Variants in TTC17 observed in about 807,000 individuals in gnomAD.
TTC17 encodes tetratricopeptide repeat domain 17, also known as tetratricopeptide repeat protein 17.
TTC17 carries 58 observed loss-of-function variants against 143.8 expected under a neutral mutation model. That is an observed-to-expected ratio of 0.40 (90% confidence interval 0.33 to 0.50). The LOEUF (loss-of-function observed/expected upper bound fraction) is 0.50. Among genes scored for constraint, TTC17 ranks in the 20% least tolerant of loss-of-function variants. The probability of loss-of-function intolerance (pLI) is 0.49; values close to 1 mark genes in which losing one functional copy is unlikely to be tolerated. For synonymous variants in TTC17, 501 were observed against 497.8 expected, an observed-to-expected ratio of 1.01 and a Z score of -0.09; for missense variants, 1,273 against 1,392.5, an observed-to-expected ratio of 0.91 and a Z score of 1.37.
Position 43,391,816 on chromosome 11 carries a change from T to C in TTC17, c.532-5T>C. 1 of 1,611,738 alleles carries C rather than the reference T, an allele frequency of 6.2e-7. No homozygotes were observed. ...ATGTCTTTTGAATCTTTTTCTTCTC[T>C]TCAGGGTGTACAGGAGAGAGTTAAT... On this transcript the variant is annotated splice_polypyrimidine_tract_variant and splice_region_variant and intron_variant, in intron 4 of 23. Coordinates refer to ENST00000039989, the MANE Select transcript of TTC17 (RefSeq NM_018259.6).
chr11:43,426,471 A>G (rs1947030569), intron 16 of TTC17, among the ~76,000 whole-genome samples: 1 of 152,264 alleles, frequency 6.6e-6, no homozygotes, highest in Non-Finnish European at 1.5e-5. Context: ...TAAAGTGCCT[A>G]TCTTAATTCC....
At chr11:43,445,591 T>G (rs2134737708) in intron 18 of TTC17, among the ~76,000 whole-genome samples, 1 of 152,342 alleles carries the variant, frequency 6.6e-6, no homozygotes, top group Admixed American at 6.5e-5. Context: ...ACGAGAGCAC[T>G]TAAGCAGTTT....
chr11:43,418,334 A>G (rs533058339), intron 16 of TTC17, among the ~76,000 whole-genome samples: 4 of 152,200 alleles, frequency 2.6e-5, no homozygotes, highest in Non-Finnish European at 5.9e-5. Context: ...TATCACTACC[A>G]TTTCAAGGAT....
chr11:43,425,063 A>C (rs905283528), intron 16 of TTC17, among the ~76,000 whole-genome samples: 6 of 152,196 alleles, frequency 3.9e-5, no homozygotes, highest in Non-Finnish European at 7.4e-5. Context: ...TTGAGTTTTC[A>C]TTCATCATTC....
intron 16 of TTC17, among the ~76,000 whole-genome samples, chr11:43,434,080 A>C (rs973029670): frequency 6.6e-6 from 1 of 152,114 alleles, no homozygotes; most frequent in Non-Finnish European, 1.5e-5. Flanking sequence ...GCAAATTAAC[A>C]ACCTCTGTCC....
In TTC17 at chr11:43,388,120, A is replaced by G. The variant is rs562317942; in HGVS notation, c.250-1532A>G. Among the ~76,000 whole-genome samples the G allele has an allele frequency of 3.2e-4, 49 of 152,334 alleles. No individual in the cohort carries two copies. The Middle Eastern group carries it at 0.01, about 32-fold the overall frequency. The stretch of plus-strand genomic sequence containing the variant: ...ATTTTTCACATGTATACAAGGAGAC[A>G]TTTATAAGAATATAGTAGCATTTTT... On this transcript the variant is annotated intron_variant, in intron 2 of 23. Coordinates refer to ENST00000039989, the MANE Select transcript of TTC17 (RefSeq NM_018259.6).
intron 2 of TTC17, among the ~76,000 whole-genome samples, chr11:43,386,942 A>G (rs1857192098): frequency 6.6e-6 from 1 of 152,018 alleles, no homozygotes; most frequent in African/African-American, 2.4e-5. Context: ...AAGCACCACC[A>G]TCATACTTGG....
At chr11:43,416,153 A>G (rs1008580210) in intron 16 of TTC17, among the ~76,000 whole-genome samples, 2 of 152,156 alleles carry the variant, frequency 1.3e-5, no homozygotes, top group Admixed American at 6.6e-5. Context: ...CCTGGAAGAT[A>G]TGCTGTGGTC....
At chr11:43,407,604 C>A in intron 15 of TTC17, 27 bp downstream of exon 15, 1 of 1,585,536 alleles carries the variant, frequency 6.3e-7, no homozygotes, top group South Asian at 1.1e-5. Flanking sequence ...TTTCATAGTT[C>A]CGTATACTAT....
At chr11:43,445,776 A>G (rs1304855862) in intron 18 of TTC17, among the ~76,000 whole-genome samples, 1 of 152,248 alleles carries the variant, frequency 6.6e-6, no homozygotes, top group Non-Finnish European at 1.5e-5. Context: ...ACTGCTAACT[A>G]ATCAGCTTCA....
Position 43,443,526 on chromosome 11 carries a change from T to C in TTC17, c.2453T>C (p.Val818Ala). ...CTGAAGAAAGGTCCCCAGGATGGAGTGGCCAGAAGCTCTTGCTATGGAGAC... is the reference window on the plus strand; with the variant it reads ...CTGAAGAAAGGTCCCCAGGATGGAGCGGCCAGAAGCTCTTGCTATGGAGAC... ...RVLKKGPQDGVARSSCYGDCR... is the reference protein window; with the variant it reads ...RVLKKGPQDGAARSSCYGDCR... Residue 818 changes from valine (V) to alanine (A), a missense_variant, in exon 17 of 24, where the codon GTG becomes GCG. Around this residue, in one of 3 missense-constraint regions of TTC17, gnomAD observed 878 missense variants for 899.8 expected, o/e 0.98. Coordinates refer to ENST00000039989, the MANE Select transcript of TTC17 (RefSeq NM_018259.6). 1 of 1,613,906 alleles carries C rather than the reference T, an allele frequency of 6.2e-7. No individual in the cohort carries two copies. The highest frequency in any genetic ancestry group is 8.5e-7 in the Non-Finnish European group (1 of 1,179,952).
At chr11:43,391,976 G>A in intron 5 of TTC17, 24 bp downstream of exon 5, 1 of 1,582,262 alleles carries the variant, frequency 6.3e-7, no homozygotes, top group East Asian at 2.3e-5. Context: ...CACTTAAAGA[G>A]CCAGCGGGCT....
chr11:43,414,202 G>A (rs1946724672), intron 15 of TTC17, among the ~76,000 whole-genome samples: 1 of 152,156 alleles, frequency 6.6e-6, no homozygotes, highest in Non-Finnish European at 1.5e-5. Flanking sequence ...AGGAGAACAT[G>A]CAGTTTGATT....
intron 21 of TTC17, among the ~76,000 whole-genome samples, chr11:43,465,189 C>T (rs934664319): frequency 1.2e-4 from 19 of 152,196 alleles, no homozygotes; most frequent in African/African-American, 4.6e-4. Context: ...CATAGCAGCC[C>T]AAATTCAGTC....
At chr11:43,363,988 G>A (rs1303180040) in intron 1 of TTC17, among the ~76,000 whole-genome samples, 2 of 151,738 alleles carry the variant, frequency 1.3e-5, no homozygotes, top group Admixed American at 6.6e-5. Flanking sequence ...GAGTTCATTC[G>A]GCATTTACTT....
rs1215208890 is a variant in TTC17 at position 43,490,201 on chromosome 11, T to C, written c.3031-38T>C. 3.2e-6 allele frequency: 5 copies of C among 1,586,392 alleles called. No homozygotes were observed. The African/African-American group carries it at 4.0e-5, about 13-fold the overall frequency. ...ATCTTGGTAATAAATGAGTATGTTC[T>C]TGAAAGGACACCAGCCTTGGCTAAC... On this transcript the variant is annotated intron_variant, in intron 21 of 23. Transcript: ENST00000039989.
At chr11:43,432,783 A>G (rs998569906) in intron 16 of TTC17, among the ~76,000 whole-genome samples, 1 of 150,540 alleles carries the variant, frequency 6.6e-6, no homozygotes, top group Non-Finnish European at 1.5e-5. Flanking sequence ...CACAAAGGCA[A>G]CTTTTTTTAG....
chr11:43,414,732 A>T lies in TTC17; in HGVS notation c.2207A>T (p.Gln736Leu). 6.2e-7 allele frequency: 1 copy of T among 1,613,592 alleles called. No individual in the cohort carries two copies. Among genetic ancestry groups the T allele is most frequent in the Non-Finnish European group, 8.5e-7 (1 of 1,179,722 alleles). The change falls in exon 16 of 24, where the codon CAG becomes CTG. Residue 736 changes from glutamine to leucine, a missense_variant. Physicochemically the swap from Gln to Leu is moderately radical, Grantham distance 113. Coordinates refer to ENST00000039989, the MANE Select transcript of TTC17 (RefSeq NM_018259.6). The stretch of plus-strand genomic sequence containing the variant: ...AGCCTGAAGTTGATCCGCTGTATGC[A>T]GTTTTATCCTTTTCTGTACAACATC... The part of the protein sequence containing the change: ...ENSLKLIRCM[Q>L]FYPFLYNITS...
At chr11:43,473,841 C>T (rs992583715) in intron 21 of TTC17, among the ~76,000 whole-genome samples, 13 of 151,182 alleles carry the variant, frequency 8.6e-5, no homozygotes, top group African/African-American at 2.9e-4. Context: ...CAAGATTGCA[C>T]CCCTGCACTT....
Sources: allele counts gnomAD v4.1 joint callset (sites outside exome capture counted in the v4.1 genomes callset), GRCh38; gene constraint gnomAD v4.1.1; regional missense constraint gnomAD v4.1.1; transcripts MANE v1.5; gene names NCBI Gene and HGNC (gene_info 2026-07-23, HGNC 2026-07-21).